CCDC7: variants seen among roughly 807,000 people sequenced by gnomAD.
CCDC7 encodes coiled-coil domain containing 7.
Under a neutral mutation model 196.9 loss-of-function variants are expected in CCDC7, and 183 were observed. The ratio of observed to expected loss-of-function variants is 0.93; its 90% CI spans 0.82 to 1.05. CCDC7 has a LOEUF of 1.05. CCDC7 is among the 50% of genes least tolerant of loss of function. CCDC7 has a pLI of 0.00. For missense variants in CCDC7, 1,540 were observed against 1,482.2 expected (o/e 1.04, Z -0.64); for synonymous variants, 525 against 484.6 (o/e 1.08, Z -1.10).
At chr10:32,444,547 A>T, upstream of CCDC7, among the ~76,000 whole-genome samples, 1 of 152,226 alleles carries the variant, frequency 6.6e-6, no homozygotes, top group East Asian at 1.9e-4. Flanking sequence ...ACTAGATGTA[A>T]TCTATTTTCA....
intron 24 of CCDC7, among the ~76,000 whole-genome samples, chr10:32,706,664 A>G (rs1177226817): frequency 6.6e-6 from 1 of 150,728 alleles, no homozygotes; most frequent in Non-Finnish European, 1.5e-5. Context: ...CAGAAATACA[A>G]ACTACCATCA....
intron 28 of CCDC7, among the ~76,000 whole-genome samples, chr10:32,751,657 G>T (rs2075678584): frequency 6.6e-6 from 1 of 152,024 alleles, no homozygotes; most frequent in African/African-American, 2.4e-5. Flanking sequence ...AGCCTCTCAG[G>T]GTGTTTTCTA....
chr10:32,674,798 G>A (rs1168670656), intron 21 of CCDC7, among the ~76,000 whole-genome samples: 1 of 151,870 alleles, frequency 6.6e-6, no homozygotes, highest in Non-Finnish European at 1.5e-5. Context: ...ATGGAGTCTT[G>A]CTCTGTCGCC....
chr10:32,539,391 C>T (rs568302232), intron 11 of CCDC7, among the ~76,000 whole-genome samples: 1 of 152,172 alleles, frequency 6.6e-6, no homozygotes, highest in Non-Finnish European at 1.5e-5. Context: ...TTTGTCATCT[C>T]TAATTGTGTT....
At chr10:32,847,502 C>T (rs1309099144) in intron 37 of CCDC7, among the ~76,000 whole-genome samples, 1 of 151,880 alleles carries the variant, frequency 6.6e-6, no homozygotes, top group Non-Finnish European at 1.5e-5. Context: ...GAGATATCAG[C>T]AAATAATATA....
rs75929925 is a variant in CCDC7 at position 32,744,899 on chromosome 10, A to G, written c.2905+15442A>G. 7.9e-3 allele frequency among the ~76,000 whole-genome samples: 1,205 copies of G among 152,284 alleles called. 7 individuals are homozygous for G. The highest frequency in any genetic ancestry group is 0.02 in the Middle Eastern group (6 of 294). ...GTCTATAAAGTCATCTCCATGCCCA[A>G]TGTCACCTAGGAATCTTTTATATTA... On this transcript the variant is annotated intron_variant, in intron 28 of 41. Coordinates refer to ENST00000639629, the Ensembl canonical transcript of CCDC7.
intron 21 of CCDC7, among the ~76,000 whole-genome samples, chr10:32,679,597 A>G (rs1211587595): frequency 6.6e-6 from 1 of 152,198 alleles, no homozygotes; most frequent in Non-Finnish European, 1.5e-5. Context: ...ATCACATGGA[A>G]TAAGACAACA....
intron 9 of CCDC7, among the ~76,000 whole-genome samples, chr10:32,502,993 A>G (rs540764147): frequency 4.5e-4 from 69 of 152,022 alleles, no homozygotes; most frequent in African/African-American, 1.5e-3. Context: ...TGATTTTTGT[A>G]TTGGTTTTTG....
intron 18 of CCDC7, among the ~76,000 whole-genome samples, chr10:32,597,313 G>C (rs118188754): frequency 6.6e-6 from 1 of 151,916 alleles, no homozygotes; most frequent in Non-Finnish European, 1.5e-5. Flanking sequence ...TGATCAAATC[G>C]GCTACTGAAG....
intron 9 of CCDC7, among the ~76,000 whole-genome samples, chr10:32,515,460 G>A (rs543405095): frequency 3.5e-4 from 53 of 152,250 alleles, no homozygotes; most frequent in African/African-American, 1.1e-3. Context: ...ATGATTCAAT[G>A]GGGGAAAGAA....
At chr10:32,853,093 G>C (rs2093623738) in intron 40 of CCDC7, among the ~76,000 whole-genome samples, 1 of 151,914 alleles carries the variant, frequency 6.6e-6, no homozygotes. Context: ...GGGTTCACTT[G>C]TTACTTCATA....
intron 21 of CCDC7, among the ~76,000 whole-genome samples, chr10:32,675,273 G>A (rs888590028): frequency 1.4e-5 from 2 of 141,060 alleles, no homozygotes; most frequent in South Asian, 2.2e-4. Context: ...TTTTCTTTAC[G>A]ATTACCATGA....
intron 32 of CCDC7, among the ~76,000 whole-genome samples, chr10:32,826,483 G>A (rs2091135379): frequency 6.6e-6 from 1 of 152,122 alleles, no homozygotes; most frequent in African/African-American, 2.4e-5. Context: ...CATAGAGTGG[G>A]GCATGCACAG....
intron 16 of CCDC7, among the ~76,000 whole-genome samples, chr10:32,582,052 G>A (rs567538806): frequency 1.2e-4 from 17 of 144,298 alleles, no homozygotes; most frequent in African/African-American, 3.5e-4. Flanking sequence ...GCTTTATAAT[G>A]CCACTACAAA....
intron 39 of CCDC7, among the ~76,000 whole-genome samples, chr10:32,851,521 G>A (rs2093563502): frequency 1.3e-5 from 2 of 152,066 alleles, no homozygotes; most frequent in African/African-American, 2.4e-5. Flanking sequence ...TGTGTATCCT[G>A]TTACTGTTGG....
chr10:32,756,988 A>T (rs1420751331), intron 28 of CCDC7, among the ~76,000 whole-genome samples: 3 of 152,236 alleles, frequency 2.0e-5, no homozygotes, highest in African/African-American at 7.2e-5. Context: ...ACCAACAAAG[A>T]TCAAAAGAGA....
intron 11 of CCDC7, among the ~76,000 whole-genome samples, chr10:32,520,731 T>G (rs188994952): frequency 7.9e-5 from 12 of 152,218 alleles, no homozygotes; most frequent in African/African-American, 2.6e-4. Context: ...CTTGGTGTTA[T>G]CCCATGGGTC....
At chr10:32,724,000 C>A (rs758914008) in intron 25 of CCDC7, among the ~76,000 whole-genome samples, 1 of 151,996 alleles carries the variant, frequency 6.6e-6, no homozygotes, top group Non-Finnish European at 1.5e-5. Context: ...GCTTCCCCAG[C>A]TTTCCTAGAG....
At chr10:32,718,081 A>G (rs1409874020) in intron 25 of CCDC7, among the ~76,000 whole-genome samples, 1 of 152,166 alleles carries the variant, frequency 6.6e-6, no homozygotes, top group Non-Finnish European at 1.5e-5. Flanking sequence ...CACAAAAACA[A>G]CAACAAAAAT....
Sources: allele counts gnomAD v4.1 joint callset (sites outside exome capture counted in the v4.1 genomes callset), GRCh38; gene constraint gnomAD v4.1.1; transcripts MANE v1.5; gene names NCBI Gene and HGNC (gene_info 2026-07-23, HGNC 2026-07-21).